Variants in PCDH11Y observed in about 807,000 individuals in gnomAD.
PCDH11Y encodes the protein protocadherin-11 Y-linked.
For synonymous variants in PCDH11Y, 9 were observed against 83.6 expected (o/e 0.11, Z 4.87); for missense variants, 12 against 224.8 (o/e 0.05, Z 6.05).
intron 2 of PCDH11Y, among the ~76,000 whole-genome samples, chrY:5,326,866 G>A (rs2053121530): frequency 3.0e-5 from 1 of 32,916 alleles, no homozygotes; most frequent in Non-Finnish European, 7.4e-5. Flanking sequence ...TTAAAGCAGC[G>A]GCAGCCTCTG....
intron 3 of PCDH11Y, among the ~76,000 whole-genome samples, chrY:5,519,495 G>C: frequency 3.1e-5 from 1 of 32,047 alleles, no homozygotes; most frequent in Non-Finnish European, 7.5e-5. Context: ...AACCAAGTGA[G>C]TATTACTATA....
chrY:5,447,854 T>G, intron 2 of PCDH11Y, among the ~76,000 whole-genome samples: 1 of 32,275 alleles, frequency 3.1e-5, no homozygotes, highest in Non-Finnish European at 7.6e-5. Context: ...TTCCATTCAG[T>G]CTTTGATACC....
At chrY:5,046,359 G>A in intron 3 of PCDH11Y, among the ~76,000 whole-genome samples, 1 of 33,297 alleles carries the variant, frequency 3.0e-5, no homozygotes, top group African/African-American at 1.2e-4. Flanking sequence ...AGATCTGTTG[G>A]AGTACCCTGC....
chrY:5,582,019 T>C, intron 4 of PCDH11Y, among the ~76,000 whole-genome samples: 1 of 29,860 alleles, frequency 3.3e-5, no homozygotes, highest in Non-Finnish European at 8.1e-5. Context: ...AAATTGTGTG[T>C]CATCAATCTT....
intron 3 of PCDH11Y, among the ~76,000 whole-genome samples, chrY:5,557,282 G>A: frequency 3.0e-5 from 1 of 33,077 alleles, no homozygotes; most frequent in Non-Finnish European, 7.5e-5. Context: ...AATGTATTAA[G>A]TCTTCCAATC....
intron 2 of PCDH11Y, among the ~76,000 whole-genome samples, chrY:5,159,153 A>G (rs1602877923): frequency 3.2e-5 from 1 of 31,722 alleles, no homozygotes; most frequent in African/African-American, 1.2e-4. Flanking sequence ...GGCGGCCCCA[A>G]TGACATAGAC....
At chrY:5,294,857 T>C in intron 2 of PCDH11Y, among the ~76,000 whole-genome samples, 2 of 33,188 alleles carry the variant, frequency 6.0e-5, no homozygotes, top group Admixed American at 5.6e-4. Flanking sequence ...GTTTTGTATC[T>C]TCAAGTGATT....
intron 3 of PCDH11Y, among the ~76,000 whole-genome samples, chrY:5,557,419 G>A: frequency 3.0e-5 from 1 of 32,884 alleles, no homozygotes; most frequent in African/African-American, 1.2e-4. Context: ...TATGTTTTTG[G>A]TGGTTATTGT....
chrY:5,365,472 T>A, intron 2 of PCDH11Y, among the ~76,000 whole-genome samples: 1 of 33,245 alleles, frequency 3.0e-5, no homozygotes, highest in Non-Finnish European at 7.4e-5. Context: ...TGTATTTTGC[T>A]TTCATAGTTA....
At chrY:5,661,002 C>T (rs1436443760) in intron 4 of PCDH11Y, among the ~76,000 whole-genome samples, 52 of 31,272 alleles carry the variant, frequency 1.7e-3, no homozygotes, top group Non-Finnish European at 3.3e-3. Context: ...GGTGAAACCC[C>T]GTTTCAATAC....
intron 2 of PCDH11Y, among the ~76,000 whole-genome samples, chrY:5,323,462 G>T: frequency 3.1e-5 from 1 of 32,630 alleles, no homozygotes; most frequent in African/African-American, 1.2e-4. Context: ...CTCCCAAAGT[G>T]CTGGGATTAC....
chrY:5,352,434 C>G, intron 2 of PCDH11Y, among the ~76,000 whole-genome samples: 2 of 32,826 alleles, frequency 6.1e-5, no homozygotes. Context: ...ACCCTTCCCC[C>G]TTTCTAAGAG....
chrY:5,091,361 A>T, intron 1 of PCDH11Y, among the ~76,000 whole-genome samples: 1 of 33,488 alleles, frequency 3.0e-5, no homozygotes, highest in African/African-American at 1.2e-4. Context: ...TGCTAGTAAA[A>T]AATGATTGGT....
chrY:5,386,091 T>C lies in PCDH11Y; in HGVS notation c.3130-114966T>C, dbSNP rs200799342. On this transcript the variant is annotated intron_variant, in intron 2 of 4. Coordinates refer to the PCDH11Y transcript ENST00000400457. ...CAGCATTTGTTTGTCTGAAAAAGAC[T>C]GTATCTTTTCTTCATTTATAAAGCT... Among the ~76,000 whole-genome samples, 53 of 33,703 alleles carry C rather than the reference T, an allele frequency of 1.6e-3. No individual in the cohort carries two copies. The East Asian group carries it at 0.04, about 25-fold the overall frequency. The allele number at this position is 33,703 out of a possible 37,273, so 90.4% of individuals were successfully genotyped here.
intron 2 of PCDH11Y, among the ~76,000 whole-genome samples, chrY:5,386,221 C>T (rs2053215338): frequency 3.0e-5 from 1 of 33,363 alleles, no homozygotes; most frequent in South Asian, 6.7e-4. Flanking sequence ...GCTGATAAAT[C>T]GGCTGTTAAT....
chrY:5,625,483 AG>A, intron 4 of PCDH11Y, among the ~76,000 whole-genome samples: 1 of 21,547 alleles, frequency 4.6e-5, no homozygotes, highest in African/African-American at 1.9e-4. Context: ...AGTTAGAGTG[AG>A]CATCCTTGTC....
At chrY:5,574,370 G>A (rs2053443721) in intron 3 of PCDH11Y, 6 of 332,939 alleles carry the variant, frequency 1.8e-5, no homozygotes, top group Non-Finnish European at 2.2e-5. Context: ...ACCACCACCC[G>A]CCGGAGAGTG....
chrY:5,541,852 G>T (rs2053407614), intron 3 of PCDH11Y, among the ~76,000 whole-genome samples: 1 of 29,083 alleles, frequency 3.4e-5, no homozygotes, highest in African/African-American at 1.4e-4. Flanking sequence ...TAGCCTTTTA[G>T]CTTCCTAGAT....
intron 2 of PCDH11Y, among the ~76,000 whole-genome samples, chrY:5,306,313 CAT>C (rs2053090629): frequency 3.1e-5 from 1 of 32,152 alleles, no homozygotes; most frequent in African/African-American, 1.2e-4. Flanking sequence ...CACACACACA[CAT>C]ACAAACATAC....
Sources: gnomAD v4.1 joint callset for allele counts (sites outside exome capture counted in the v4.1 genomes callset) on GRCh38, gnomAD v4.1.1 for gene constraint, MANE v1.5 for transcripts, NCBI Gene and HGNC (gene_info 2026-07-23, HGNC 2026-07-21) for gene names.